The following DCC variants were observed in gnomAD, a reference collection of about 807,000 sequenced individuals.
DCC encodes netrin receptor DCC.
A neutral mutation model predicts 172.5 loss-of-function variants in DCC; 58 were observed. The ratio of observed to expected loss-of-function variants is 0.34; its 90% CI spans 0.27 to 0.42. The LOEUF (loss-of-function observed/expected upper bound fraction) is 0.42. Ranked by LOEUF, DCC falls within the 10% of genes least tolerant of loss-of-function variation. The pLI, the probability that DCC is intolerant of heterozygous loss-of-function variation, is 1.00. For missense variants in DCC, 1,740 were observed against 1,791.0 expected, an observed-to-expected ratio of 0.97 and a Z score of 0.51; for synonymous variants, 709 against 644.5, an observed-to-expected ratio of 1.10 and a Z score of -1.52.
chr18:52,383,749 T>G (rs1409193402), intron 1 of DCC, among the ~76,000 whole-genome samples: 1 of 152,078 alleles, frequency 6.6e-6, no homozygotes, highest in East Asian at 1.9e-4. Flanking sequence ...CCTCTTTCTC[T>G]CTTCAATTTG....
chr18:53,334,656 C>A (rs2057571555), intron 14 of DCC, among the ~76,000 whole-genome samples: 1 of 152,124 alleles, frequency 6.6e-6, no homozygotes, highest in Non-Finnish European at 1.5e-5. Context: ...CCCTGGGTAC[C>A]TCATAAAAGG....
chr18:52,896,742 C>T (rs2039736949), intron 2 of DCC, among the ~76,000 whole-genome samples: 1 of 152,158 alleles, frequency 6.6e-6, no homozygotes, highest in African/African-American at 2.4e-5. Flanking sequence ...ATTGATGGGA[C>T]AAGCCAGCTC....
chr18:52,573,250 TA>T (rs1378283160), intron 1 of DCC, among the ~76,000 whole-genome samples: 1 of 151,798 alleles, frequency 6.6e-6, no homozygotes, highest in Non-Finnish European at 1.5e-5. Context: ...AACATAAATT[TA>T]AAAAAAATAA....
At chr18:53,390,270 TA>T (rs1908459389) in intron 16 of DCC, among the ~76,000 whole-genome samples, 1 of 147,516 alleles carries the variant, frequency 6.8e-6, no homozygotes, top group Non-Finnish European at 1.5e-5. Context: ...TCTCTCCTTT[TA>T]TTTTTGTTTT....
chr18:53,163,224 A>G (rs192124456), intron 8 of DCC, among the ~76,000 whole-genome samples: 100 of 152,218 alleles, frequency 6.6e-4, no homozygotes, highest in African/African-American at 2.3e-3. Context: ...CAGAACTGAT[A>G]TGGTAGAGGT....
chr18:53,181,517 T>A (rs1205623432), intron 9 of DCC, among the ~76,000 whole-genome samples: 1 of 149,430 alleles, frequency 6.7e-6, no homozygotes, highest in African/African-American at 2.5e-5. Flanking sequence ...TTAAAAAAAA[T>A]AAAAACTATG....
intron 5 of DCC, among the ~76,000 whole-genome samples, chr18:52,961,134 C>T (rs539670679): frequency 6.6e-6 from 1 of 152,014 alleles, no homozygotes; most frequent in South Asian, 2.1e-4. Flanking sequence ...GGTGTGGGGG[C>T]CTGTTGTGCG....
At chr18:52,947,407 G>C (rs148245225) in intron 5 of DCC, among the ~76,000 whole-genome samples, 1 of 152,124 alleles carries the variant, frequency 6.6e-6, no homozygotes, top group Non-Finnish European at 1.5e-5. Flanking sequence ...TTTGGCATCA[G>C]ATTTAAGCAA....
At chr18:53,296,712 TAATG>T (rs2057072299) in intron 12 of DCC, among the ~76,000 whole-genome samples, 1 of 152,190 alleles carries the variant, frequency 6.6e-6, no homozygotes, top group South Asian at 2.1e-4. Flanking sequence ...GGGCACACTT[TAATG>T]AAAACCCTCA....
At chr18:52,443,309 C>T (rs995031262) in intron 1 of DCC, among the ~76,000 whole-genome samples, 1 of 152,024 alleles carries the variant, frequency 6.6e-6, no homozygotes, top group Non-Finnish European at 1.5e-5. Context: ...TATTGAGGAG[C>T]CCCTAAGCAC....
chr18:53,483,577 A>G (rs2045863510), intron 25 of DCC, among the ~76,000 whole-genome samples: 1 of 151,908 alleles, frequency 6.6e-6, no homozygotes, highest in Non-Finnish European at 1.5e-5. Flanking sequence ...ACTGGAATCT[A>G]CAATTTATTT....
intron 1 of DCC, among the ~76,000 whole-genome samples, chr18:52,516,108 G>A (rs1255824162): frequency 1.9e-4 from 29 of 151,984 alleles, no homozygotes; most frequent in Admixed American, 1.9e-3. Flanking sequence ...TGCTTGTGAG[G>A]GTAAGGAGAA....
intron 25 of DCC, among the ~76,000 whole-genome samples, chr18:53,485,114 G>T (rs943323856): frequency 6.6e-6 from 1 of 151,850 alleles, no homozygotes; most frequent in Admixed American, 6.6e-5. Flanking sequence ...TTGTATTAGG[G>T]ATTTTTGTTA....
intron 1 of DCC, among the ~76,000 whole-genome samples, chr18:52,397,402 A>C (rs1045117910): frequency 3.3e-5 from 5 of 152,064 alleles, no homozygotes; most frequent in Admixed American, 6.6e-5. Context: ...AGGTCCTCAC[A>C]CACAGAAAAT....
intron 5 of DCC, among the ~76,000 whole-genome samples, chr18:52,961,965 G>T (rs1474865439): frequency 6.6e-6 from 1 of 152,130 alleles, no homozygotes; most frequent in Non-Finnish European, 1.5e-5. Context: ...ATTCAAGATG[G>T]ATTAAAGACT....
At chr18:52,510,119 CA>C (rs34308021) in intron 1 of DCC, among the ~76,000 whole-genome samples, 47,597 of 132,788 alleles carry the variant, frequency 0.36, 8,342 homozygotes, top group East Asian at 0.62. Context: ...GCATCCCCTT[CA>C]AAAAAAAAAA....
At chr18:53,221,414 T>C (rs2055930809) in intron 12 of DCC, among the ~76,000 whole-genome samples, 1 of 152,164 alleles carries the variant, frequency 6.6e-6, no homozygotes, top group Admixed American at 6.6e-5. Flanking sequence ...GAAAATAATG[T>C]CAACTTTGAA....
At chr18:53,229,667 A>G (rs1388486446) in intron 12 of DCC, among the ~76,000 whole-genome samples, 3 of 152,076 alleles carry the variant, frequency 2.0e-5, no homozygotes. Context: ...CCAGATTTTG[A>G]ACATTTAATA....
intron 5 of DCC, among the ~76,000 whole-genome samples, chr18:53,055,252 A>G (rs538580045): frequency 6.6e-6 from 1 of 152,278 alleles, no homozygotes; most frequent in East Asian, 1.9e-4. Flanking sequence ...TTGCTGTAGA[A>G]CCAACTGCTT....
Sources: allele counts gnomAD v4.1 joint callset (sites outside exome capture counted in the v4.1 genomes callset), GRCh38; gene constraint gnomAD v4.1.1; transcripts MANE v1.5; gene names NCBI Gene and HGNC (gene_info 2026-07-23, HGNC 2026-07-21).